WWOX: variants seen among roughly 807,000 people sequenced by gnomAD.
WWOX encodes the protein WW domain containing oxidoreductase.
Under a neutral mutation model 46.2 loss-of-function variants are expected in WWOX, and 69 were observed. That is an observed-to-expected ratio of 1.49 (90% CI 1.23 to 1.82). The LOEUF (loss-of-function observed/expected upper bound fraction) is 1.82, where lower values mean the gene tolerates loss of function less well. Among genes scored for constraint, WWOX ranks in the 40% most tolerant of loss-of-function variants. The probability of loss-of-function intolerance (pLI) is 0.00; values close to 1 mark genes in which losing one functional copy is unlikely to be tolerated. For missense variants in WWOX, 919 were observed against 542.6 expected (o/e 1.69, Z -6.89); for synonymous variants, 359 against 202.6 (o/e 1.77, Z -6.56).
chr16:78,544,900 G>T (rs1298311198), intron 8 of WWOX, among the ~76,000 whole-genome samples: 1 of 151,780 alleles, frequency 6.6e-6, no homozygotes. Context: ...ATTATGGCCA[G>T]GGGTGGTGGC....
chr16:78,208,681 C>T (rs2036469599), intron 5 of WWOX, among the ~76,000 whole-genome samples: 1 of 151,948 alleles, frequency 6.6e-6, no homozygotes. Context: ...GTGCTGTAGC[C>T]AATAAAAGCA....
intron 4 of WWOX, among the ~76,000 whole-genome samples, chr16:78,135,294 C>T (rs745471857): frequency 1.7e-4 from 26 of 152,182 alleles, no homozygotes; most frequent in Admixed American, 1.6e-3. Flanking sequence ...CACTAGAGCT[C>T]TACTGTGGTT....
chr16:78,572,970 G>C (rs2044756038), intron 8 of WWOX, among the ~76,000 whole-genome samples: 1 of 152,116 alleles, frequency 6.6e-6, no homozygotes, highest in South Asian at 2.1e-4. Context: ...TAATCTGAAA[G>C]AATCTGCTTC....
intron 8 of WWOX, among the ~76,000 whole-genome samples, chr16:78,504,652 T>C (rs2085148417): frequency 6.6e-6 from 1 of 152,172 alleles, no homozygotes; most frequent in South Asian, 2.1e-4. Context: ...TATGACTCGG[T>C]TTATCCTGAA....
At chr16:78,502,993 C>T (rs2245412) in intron 8 of WWOX, among the ~76,000 whole-genome samples, 134,688 of 152,180 alleles carry the variant, frequency 0.89, 60,555 homozygotes, top group Non-Finnish European at 0.96. Context: ...ACTACACAGC[C>T]TCGGCAGTGT....
At chr16:79,050,520 C>T (rs893605907) in intron 8 of WWOX, among the ~76,000 whole-genome samples, 3 of 152,116 alleles carry the variant, frequency 2.0e-5, no homozygotes, top group East Asian at 3.9e-4. Context: ...AATCACATGG[C>T]TGAGCTCACG....
Position 79,099,353 on chromosome 16 carries a change from G to C in WWOX, c.1057-112255G>C, listed in dbSNP as rs115028604. On this transcript the variant is annotated intron_variant, in intron 8 of 8. Coordinates refer to ENST00000566780, the MANE Select transcript of WWOX (RefSeq NM_016373.4). The stretch of plus-strand genomic sequence containing the variant: ...TCTTTCACATTTCTCTTTACAAAAA[G>C]AAAAACAATGTAAGGTCCCGTGACA... 8.9e-3 allele frequency among the ~76,000 whole-genome samples: 1,359 copies of C among 152,228 alleles called. 29 individuals are homozygous for C. Among genetic ancestry groups the C allele is most frequent in the African/African-American group, 0.031 (1,284 of 41,542 alleles).
chr16:79,047,332 T>C (rs2048084217), intron 8 of WWOX, among the ~76,000 whole-genome samples: 2 of 152,330 alleles, frequency 1.3e-5, no homozygotes, highest in South Asian at 4.1e-4. Context: ...TGAGCCGCAA[T>C]GCTGAAAAGC....
At chr16:78,593,861 A>G (rs1168375184) in intron 8 of WWOX, among the ~76,000 whole-genome samples, 1 of 152,208 alleles carries the variant, frequency 6.6e-6, no homozygotes, top group Non-Finnish European at 1.5e-5. Flanking sequence ...CAGCTGGGCC[A>G]TACATTTGTA....
intron 5 of WWOX, among the ~76,000 whole-genome samples, chr16:78,318,178 C>G (rs544960308): frequency 6.6e-6 from 1 of 151,736 alleles, no homozygotes; most frequent in East Asian, 1.9e-4. Context: ...TGTAGTTGAT[C>G]TTTACTTCCC....
At chr16:78,791,303 C>G (rs1382922564) in intron 8 of WWOX, among the ~76,000 whole-genome samples, 1 of 152,094 alleles carries the variant, frequency 6.6e-6, no homozygotes, top group Non-Finnish European at 1.5e-5. Flanking sequence ...TGGTGATGTG[C>G]TGGGTGTTGT....
At chr16:78,887,085 T>TG (rs2044477848) in intron 8 of WWOX, among the ~76,000 whole-genome samples, 2 of 13,384 alleles carry the variant, frequency 1.5e-4, no homozygotes, top group African/African-American at 1.8e-4. Context: ...GTGGTGTGTG[T>TG]GTGTGTGTGT....
intron 8 of WWOX, among the ~76,000 whole-genome samples, chr16:78,579,305 G>C (rs528276259): frequency 6.6e-6 from 1 of 152,120 alleles, no homozygotes; most frequent in Admixed American, 6.5e-5. Context: ...AGCATATGTC[G>C]ACGGTGTGAG....
chr16:78,867,535 G>T (rs192820000), intron 8 of WWOX, among the ~76,000 whole-genome samples: 70 of 151,184 alleles, frequency 4.6e-4, no homozygotes, highest in Non-Finnish European at 6.2e-4. Flanking sequence ...TTGTTTTTTT[G>T]TGTGTGTGTT....
At chr16:78,783,609 T>C (rs1223285423) in intron 8 of WWOX, among the ~76,000 whole-genome samples, 2 of 152,200 alleles carry the variant, frequency 1.3e-5, no homozygotes, top group Admixed American at 6.5e-5. Flanking sequence ...AGGAGTAATA[T>C]TTGTGTGGTA....
At chr16:78,541,095 A>G (rs1007838576) in intron 8 of WWOX, among the ~76,000 whole-genome samples, 2 of 152,188 alleles carry the variant, frequency 1.3e-5, no homozygotes, top group African/African-American at 2.4e-5. Flanking sequence ...AGAACCTAAT[A>G]TATTTTGAGA....
chr16:78,963,975 T>C (rs1465450956), intron 8 of WWOX, among the ~76,000 whole-genome samples: 1 of 152,184 alleles, frequency 6.6e-6, no homozygotes, highest in African/African-American at 2.4e-5. Flanking sequence ...AGTTTTTCTC[T>C]TGCCACCACC....
intron 8 of WWOX, among the ~76,000 whole-genome samples, chr16:78,867,929 C>G (rs1007794302): frequency 6.6e-6 from 1 of 152,158 alleles, no homozygotes; most frequent in African/African-American, 2.4e-5. Context: ...CTGTCATTCA[C>G]TGCTGGTGGG....
At chr16:78,760,229 A>G (rs556136136) in intron 8 of WWOX, among the ~76,000 whole-genome samples, 13 of 152,236 alleles carry the variant, frequency 8.5e-5, no homozygotes, top group East Asian at 7.7e-4. Context: ...AAAACATTAG[A>G]TCTCATGAGA....
Sources: gnomAD v4.1 joint callset for allele counts (sites outside exome capture counted in the v4.1 genomes callset) on GRCh38, gnomAD v4.1.1 for gene constraint, MANE v1.5 for transcripts, NCBI Gene and HGNC (gene_info 2026-07-23, HGNC 2026-07-21) for gene names.